PEAK1: variants seen among roughly 807,000 people sequenced by gnomAD.
PEAK1 encodes the protein pseudopodium enriched atypical kinase 1.
Under a neutral mutation model 124.7 loss-of-function variants are expected in PEAK1, and 54 were observed. The ratio of observed to expected loss-of-function variants is 0.43; its 90% CI spans 0.35 to 0.54. The LOEUF is 0.54. Among genes scored for constraint, PEAK1 ranks in the 20% least tolerant of loss-of-function variants. The pLI, the probability that PEAK1 is intolerant of heterozygous loss-of-function variation, is 0.01. For synonymous variants in PEAK1, 719 were observed against 760.0 expected (o/e 0.95, Z 0.89); for missense variants, 2,046 against 2,134.5 (o/e 0.96, Z 0.82).
intron 6 of PEAK1, among the ~76,000 whole-genome samples, chr15:77,208,405 A>G (rs1351523496): frequency 6.6e-6 from 1 of 152,150 alleles, no homozygotes; most frequent in Non-Finnish European, 1.5e-5. Flanking sequence ...TGATCTCAGG[A>G]CATCCCATTC....
At chr15:77,301,772 T>C (rs1258976064) in intron 2 of PEAK1, among the ~76,000 whole-genome samples, 1 of 152,192 alleles carries the variant, frequency 6.6e-6, no homozygotes, top group Non-Finnish European at 1.5e-5. Context: ...CAGCCTAATG[T>C]ATGGAGTGGA....
intron 2 of PEAK1, among the ~76,000 whole-genome samples, chr15:77,307,536 CCTTCT>C (rs370773940): frequency 1.3e-5 from 2 of 152,130 alleles, no homozygotes; most frequent in African/African-American, 4.8e-5. Flanking sequence ...CCAGCTTTTG[CCTTCT>C]CTTAACAATC....
chr15:77,227,070 C>T (rs1335257804), intron 6 of PEAK1, among the ~76,000 whole-genome samples: 2 of 152,168 alleles, frequency 1.3e-5, no homozygotes, highest in African/African-American at 4.8e-5. Context: ...GTTGCATTCC[C>T]ATAGATCCTA....
intron 2 of PEAK1, among the ~76,000 whole-genome samples, chr15:77,359,066 T>A (rs1252558237): frequency 6.6e-6 from 1 of 152,180 alleles, no homozygotes; most frequent in Non-Finnish European, 1.5e-5. Flanking sequence ...CTAAACCTGA[T>A]AATGGGCAGT....
chr15:77,377,950 T>C (rs1284887450), intron 1 of PEAK1, among the ~76,000 whole-genome samples: 1 of 152,088 alleles, frequency 6.6e-6, no homozygotes, highest in Non-Finnish European at 1.5e-5. Context: ...CTAATAAAAC[T>C]TACTGAGCTT....
chr15:77,331,331 T>C (rs980060092), intron 2 of PEAK1, among the ~76,000 whole-genome samples: 3 of 152,088 alleles, frequency 2.0e-5, no homozygotes, highest in African/African-American at 4.8e-5. Flanking sequence ...GGTTTTGCCA[T>C]GTTGGCCAGG....
intron 8 of PEAK1, among the ~76,000 whole-genome samples, chr15:77,143,707 C>T (rs556231147): frequency 2.0e-5 from 3 of 152,192 alleles, no homozygotes; most frequent in South Asian, 4.1e-4. Flanking sequence ...ATATTTCTTA[C>T]TCCACTCCCC....
chr15:77,241,730 T>C (rs1567156309), intron 6 of PEAK1, among the ~76,000 whole-genome samples: 1 of 148,424 alleles, frequency 6.7e-6, no homozygotes, highest in Non-Finnish European at 1.5e-5. Flanking sequence ...CAGCTCCAAA[T>C]AAAAAAAAAA....
chr15:77,391,514 A>C (rs1349047007), intron 1 of PEAK1, among the ~76,000 whole-genome samples: 1 of 142,642 alleles, frequency 7.0e-6, no homozygotes, highest in African/African-American at 2.6e-5. Context: ...AAGAGATACC[A>C]GGGAAACACC....
At chr15:77,387,978 T>C (rs940417052) in intron 1 of PEAK1, among the ~76,000 whole-genome samples, 7 of 152,162 alleles carry the variant, frequency 4.6e-5, no homozygotes, top group African/African-American at 9.7e-5. Context: ...GGGCCAGTTT[T>C]ACCCTGTTGA....
intron 6 of PEAK1, among the ~76,000 whole-genome samples, chr15:77,199,344 C>T (rs1356649657): frequency 6.6e-6 from 1 of 152,182 alleles, no homozygotes; most frequent in African/African-American, 2.4e-5. Flanking sequence ...AAGTGGTCTA[C>T]TTGCCATCAA....
At chr15:77,249,395 T>C (rs1293103789) in intron 6 of PEAK1, among the ~76,000 whole-genome samples, 1 of 152,216 alleles carries the variant, frequency 6.6e-6, no homozygotes, top group Non-Finnish European at 1.5e-5. Flanking sequence ...GCTAGAATGT[T>C]ACTCTTTAAA....
At chr15:77,276,623 T>A (rs551426774) in intron 5 of PEAK1, among the ~76,000 whole-genome samples, 1 of 152,232 alleles carries the variant, frequency 6.6e-6, no homozygotes, top group East Asian at 1.9e-4. Context: ...AGATCTCGGA[T>A]AATCCAGGAA....
At chr15:77,229,159 C>T (rs1165533041) in intron 6 of PEAK1, among the ~76,000 whole-genome samples, 1 of 152,090 alleles carries the variant, frequency 6.6e-6, no homozygotes, top group African/African-American at 2.4e-5. Context: ...GGAAAGAAAA[C>T]AATCTCCAGG....
At chr15:77,300,131 A>G (rs1428494369) in intron 2 of PEAK1, among the ~76,000 whole-genome samples, 1 of 152,124 alleles carries the variant, frequency 6.6e-6, no homozygotes, top group African/African-American at 2.4e-5. Flanking sequence ...TAGCACCTAC[A>G]CCTTCCTGGG....
intron 1 of PEAK1, among the ~76,000 whole-genome samples, chr15:77,383,516 C>G (rs2069663131): frequency 6.6e-6 from 1 of 152,180 alleles, no homozygotes; most frequent in African/African-American, 2.4e-5. Context: ...TGTTCAAAAT[C>G]TTCCCACTAG....
upstream of PEAK1, chr15:77,420,775 G>A (rs1006920846): frequency 5.0e-6 from 2 of 398,380 alleles, no homozygotes; most frequent in African/African-American, 2.1e-5. Flanking sequence ...TCTCACCGGA[G>A]CAATTGTAAA....
intron 6 of PEAK1, among the ~76,000 whole-genome samples, chr15:77,216,348 A>C (rs1336736397): frequency 6.6e-6 from 1 of 152,230 alleles, no homozygotes; most frequent in Non-Finnish European, 1.5e-5. Flanking sequence ...ACTCATACTA[A>C]GTTGTGATAG....
chr15:77,112,660 T>TAC lies in PEAK1; in HGVS notation c.*1494_*1495dup, dbSNP rs10539940. On this transcript the variant is annotated 3_prime_UTR_variant, in exon 10 of 10. Coordinates refer to ENST00000682557, the MANE Select transcript of PEAK1 (RefSeq NM_001385026.1). Reference sequence around the variant, plus strand: ...AAGCACAGGTGAACATGTGTATACATACACACACACACACACACACACACA... The same window carrying TAC: ...AAGCACAGGTGAACATGTGTATACATACACACACACACACACACACACACACA... 1,352 of 145,452 alleles carry TAC rather than the reference T, an allele frequency of 9.3e-3. 5 individuals are homozygous for TAC. The highest frequency in any genetic ancestry group is 0.015 in the African/African-American group (575 of 39,182). The allele number at this position is 145,452 out of a possible 1,614,324, so 9.0% of individuals were successfully genotyped here.
Sources: gnomAD v4.1 joint callset for allele counts (sites outside exome capture counted in the v4.1 genomes callset) on GRCh38, gnomAD v4.1.1 for gene constraint, MANE v1.5 for transcripts, NCBI Gene and HGNC (gene_info 2026-07-23, HGNC 2026-07-21) for gene names.